Variants in LRP1B observed in about 807,000 individuals in gnomAD.
The protein encoded by LRP1B is low-density lipoprotein receptor-related protein 1B.
A neutral mutation model predicts 556.6 loss-of-function variants in LRP1B; 217 were observed. The observed-to-expected ratio is 0.39, with a 90% CI of 0.35 to 0.44. The LOEUF (loss-of-function observed/expected upper bound fraction) is 0.44. Among genes scored for constraint, LRP1B ranks in the 20% least tolerant of loss-of-function variants. The pLI is 1.00. For missense variants in LRP1B, 5,053 were observed against 5,620.8 expected (o/e 0.90, Z 3.23); for synonymous variants, 2,047 against 1,865.8 (o/e 1.10, Z -2.50).
chr2:142,075,001 G>A (rs766308714), intron 1 of LRP1B, among the ~76,000 whole-genome samples: 27 of 151,784 alleles, frequency 1.8e-4, no homozygotes, highest in Non-Finnish European at 3.7e-4. Flanking sequence ...ATACCTTTAG[G>A]TAAATAACAT....
At chr2:141,937,528 G>A (rs1054073592) in intron 1 of LRP1B, among the ~76,000 whole-genome samples, 34 of 151,802 alleles carry the variant, frequency 2.2e-4, no homozygotes, top group South Asian at 2.1e-4. Flanking sequence ...TCCCAAGATC[G>A]TCTATCATTC....
At chr2:140,520,769 G>A (rs1574034232) in intron 49 of LRP1B, among the ~76,000 whole-genome samples, 1 of 58,846 alleles carries the variant, frequency 1.7e-5, no homozygotes, top group African/African-American at 6.4e-5. Flanking sequence ...AAACCCAAAA[G>A]AAGTTTGAAA....
At chr2:142,104,019 ATCT>A (rs977112210) in intron 1 of LRP1B, among the ~76,000 whole-genome samples, 3 of 152,124 alleles carry the variant, frequency 2.0e-5, no homozygotes, top group African/African-American at 7.2e-5. Flanking sequence ...TACCTTCCAA[ATCT>A]TTAATCAAGC....
At chr2:141,106,590 C>T (rs1191876958) in intron 7 of LRP1B, among the ~76,000 whole-genome samples, 3 of 152,134 alleles carry the variant, frequency 2.0e-5, no homozygotes, top group African/African-American at 4.8e-5. Flanking sequence ...GCAAACCTTG[C>T]TTACATTAAG....
chr2:141,591,581 G>GGTGT lies in LRP1B; in HGVS notation c.206-111052_206-111049dup, dbSNP rs72043982. Among the ~76,000 whole-genome samples, 929 of 148,174 alleles carry GGTGT rather than the reference G, an allele frequency of 6.3e-3. 2 individuals are homozygous for GGTGT. The highest frequency in any genetic ancestry group is 0.01 in the Middle Eastern group (3 of 290). On this transcript the variant is annotated intron_variant, in intron 2 of 90. Coordinates refer to ENST00000389484, the MANE Select transcript of LRP1B (RefSeq NM_018557.3). ...AGATCACTGAAGACAACTGCAGAGT[G>GGTGT]GTGTGTGTGTGTGTGTGTGTGTGTG...
intron 43 of LRP1B, among the ~76,000 whole-genome samples, chr2:140,548,772 A>T (rs992298278): frequency 6.6e-6 from 1 of 151,922 alleles, no homozygotes; most frequent in African/African-American, 2.4e-5. Flanking sequence ...AATAACACAA[A>T]AAATTAGCCG....
intron 2 of LRP1B, among the ~76,000 whole-genome samples, chr2:141,730,838 T>A (rs987952028): frequency 6.6e-6 from 1 of 152,178 alleles, no homozygotes; most frequent in African/African-American, 2.4e-5. Context: ...CTAAGCTTCA[T>A]ATTCTTCACT....
intron 2 of LRP1B, among the ~76,000 whole-genome samples, chr2:141,587,240 G>A (rs1687174354): frequency 6.6e-6 from 1 of 152,138 alleles, no homozygotes; most frequent in Non-Finnish European, 1.5e-5. Flanking sequence ...TCTACCAGAT[G>A]TATAGATAGT....
intron 59 of LRP1B, among the ~76,000 whole-genome samples, chr2:140,479,242 A>G (rs1011018253): frequency 2.6e-5 from 4 of 152,082 alleles, no homozygotes; most frequent in Admixed American, 6.6e-5. Flanking sequence ...AAATTTGTCA[A>G]TAAGACTGTG....
intron 2 of LRP1B, among the ~76,000 whole-genome samples, chr2:141,795,899 T>TAA (rs374427352): frequency 0.017 from 1,328 of 76,888 alleles, 28 homozygotes; most frequent in South Asian, 0.039. Context: ...TATATATATA[T>TAA]AATCTTTAAG....
chr2:140,983,279 T>A (rs915166803), intron 17 of LRP1B, among the ~76,000 whole-genome samples: 1 of 152,058 alleles, frequency 6.6e-6, no homozygotes, highest in Non-Finnish European at 1.5e-5. Context: ...ATGAGATATA[T>A]TGGGAAAGGG....
intron 2 of LRP1B, among the ~76,000 whole-genome samples, chr2:141,488,390 A>T (rs770092145): frequency 7.9e-5 from 12 of 152,176 alleles, no homozygotes; most frequent in Non-Finnish European, 1.6e-4. Flanking sequence ...CTACCTAGTT[A>T]CTTTAAAAAC....
chr2:140,748,828 C>CATATATATATATGAT (rs70988429), intron 35 of LRP1B, among the ~76,000 whole-genome samples: 1 of 79,524 alleles, frequency 1.3e-5, no homozygotes. Context: ...TAATATATAT[C>CATATATATATATGAT]ATATATTATA....
At chr2:140,411,197 TA>T (rs1380241769) in intron 66 of LRP1B, among the ~76,000 whole-genome samples, 1 of 152,180 alleles carries the variant, frequency 6.6e-6, no homozygotes, top group African/African-American at 2.4e-5. Context: ...AACAACTTTA[TA>T]TAAGACTTCT....
intron 2 of LRP1B, among the ~76,000 whole-genome samples, chr2:141,769,807 C>T (rs1001858886): frequency 7.7e-5 from 6 of 78,324 alleles, no homozygotes; most frequent in South Asian, 3.4e-4. Flanking sequence ...TCTTACTATA[C>T]GCTGGGGTTA....
intron 74 of LRP1B, 30 bp downstream of exon 74, chr2:140,357,949 G>A (rs377234118): frequency 1.9e-4 from 296 of 1,590,908 alleles, no homozygotes; most frequent in East Asian, 4.9e-4. Context: ...TGTGTATCCC[G>A]GTGCTTTGCT....
At chr2:141,790,862 T>A (rs1375580276) in intron 2 of LRP1B, among the ~76,000 whole-genome samples, 1 of 151,996 alleles carries the variant, frequency 6.6e-6, no homozygotes, top group Non-Finnish European at 1.5e-5. Context: ...CATTTCATAT[T>A]TTTTTGTTGT....
chr2:140,478,897 G>A (rs1428094427), intron 59 of LRP1B, among the ~76,000 whole-genome samples: 1 of 151,962 alleles, frequency 6.6e-6, no homozygotes, highest in Non-Finnish European at 1.5e-5. Flanking sequence ...ACTTAAATAG[G>A]AAATATGCAT....
chr2:140,567,147 G>A (rs151130080), intron 43 of LRP1B, among the ~76,000 whole-genome samples: 55 of 152,158 alleles, frequency 3.6e-4, no homozygotes, highest in Non-Finnish European at 5.9e-4. Context: ...CCTAAAGCTC[G>A]ACTAGACTCC....
Sources: gnomAD v4.1 joint callset for allele counts (sites outside exome capture counted in the v4.1 genomes callset) on GRCh38, gnomAD v4.1.1 for gene constraint, MANE v1.5 for transcripts, NCBI Gene and HGNC (gene_info 2026-07-23, HGNC 2026-07-21) for gene names.